Variants in RFC5 observed in about 807,000 individuals in gnomAD.
RFC5 encodes A1 36 kDa subunit.
Under a neutral mutation model 44.3 loss-of-function variants are expected in RFC5, and 26 were observed. The observed-to-expected ratio is 0.59, with a 90% CI of 0.43 to 0.81. The LOEUF (loss-of-function observed/expected upper bound fraction) is 0.81, where lower values mean the gene tolerates loss of function less well. Among genes scored for constraint, RFC5 ranks in the 40% least tolerant of loss-of-function variants. RFC5 has a pLI of 0.00. For synonymous variants in RFC5, 155 were observed against 155.2 expected (o/e 1.00, Z 0.01); for missense variants, 328 against 418.6 (o/e 0.78, Z 1.89).
At position 118,016,950 on chromosome 12, in the gene RFC5, G is replaced by A. The variant is rs561938742; in HGVS notation, c.65+58G>A. On this transcript the variant is annotated intron_variant, in intron 1 of 10. Transcript: ENST00000454402. Reference sequence around the variant, plus strand: ...AGGGGGCCAGGCGGCCGCGCGGGGAGGAGGTGGCTGGGGTGGCAGGTGACC... The same window carrying A: ...AGGGGGCCAGGCGGCCGCGCGGGGAAGAGGTGGCTGGGGTGGCAGGTGACC... 33 of 1,429,136 alleles carry A rather than the reference G, an allele frequency of 2.3e-5. No individual in the cohort carries two copies. In the East Asian group the frequency reaches 6.8e-4, roughly 29 times the overall value. The allele number at this position is 1,429,136 out of a possible 1,614,324, so 88.5% of individuals were successfully genotyped here.
At chr12:118,031,136 C>A in intron 10 of RFC5, 46 bp from the exon 11 acceptor site, 1 of 1,350,422 alleles carries the variant, frequency 7.4e-7, no homozygotes, top group Non-Finnish European at 1.1e-6. Context: ...GAAAAGGCAG[C>A]TGTGTTTGGT....
At chr12:118,017,649 G>T in intron 1 of RFC5, 2 of 1,015,718 alleles carry the variant, frequency 2.0e-6, no homozygotes, top group Non-Finnish European at 2.5e-6. Context: ...AAGATTGACA[G>T]TTGTAACTAT....
chr12:118,025,375 A>G (rs1431304920), intron 6 of RFC5: 2 of 319,820 alleles, frequency 6.3e-6, no homozygotes, highest in Non-Finnish European at 1.2e-5. Context: ...CTGTGTAGTC[A>G]GATGCCAAGC....
At chr12:118,041,412 C>T in the RFC5 span, among the ~76,000 whole-genome samples, 1 of 152,182 alleles carries the variant, frequency 6.6e-6, no homozygotes, top group Non-Finnish European at 1.5e-5. Context: ...CCCCAACCTT[C>T]AGAACTGTGA....
chr12:118,027,015 A>G lies in RFC5; in HGVS notation c.790A>G (p.Arg264Gly). The G allele has an allele frequency of 6.2e-7, 1 of 1,612,608 alleles. No homozygotes were observed. The highest frequency in any genetic ancestry group is 1.3e-5 in the African/African-American group (1 of 75,064). ...GAATCAAGATTTCACCACAGCCTAC[A>G]GAAGTATCCTTTCTCATGACCTCCT... Reference protein sequence around the residue: ...MLNQDFTTAYRNITELKTLKG... With the variant: ...MLNQDFTTAYGNITELKTLKG... Residue 264 changes from arginine (R) to glycine (G), a missense_variant, in exon 8 of 11, where the codon AGA becomes GGA. Coordinates refer to ENST00000454402, the MANE Select transcript of RFC5 (RefSeq NM_007370.7).
chr12:118,037,230 A>G (rs1421789571), downstream of RFC5, among the ~76,000 whole-genome samples: 1 of 152,174 alleles, frequency 6.6e-6, no homozygotes, highest in Non-Finnish European at 1.5e-5. Context: ...CCCACAAAGT[A>G]GTGGCAGGCT....
chr12:118,017,799 A>C, intron 1 of RFC5: 1 of 673,332 alleles, frequency 1.5e-6, no homozygotes, highest in Non-Finnish European at 2.7e-6. Context: ...GCCTCCGAAG[A>C]ACTGGGACTT....
At chr12:118,041,114 G>A in the RFC5 span, among the ~76,000 whole-genome samples, 1 of 152,228 alleles carries the variant, frequency 6.6e-6, no homozygotes, top group Non-Finnish European at 1.5e-5. Flanking sequence ...CTTCAGATGA[G>A]GATGCATGTG....
chr12:118,023,645 T>C (rs1419057688), intron 5 of RFC5, among the ~76,000 whole-genome samples: 2 of 152,126 alleles, frequency 1.3e-5, no homozygotes, highest in Non-Finnish European at 2.9e-5. Context: ...ACCTACAGAA[T>C]GGAACCGGTG....
intron 5 of RFC5, among the ~76,000 whole-genome samples, chr12:118,023,544 C>G (rs1486290214): frequency 6.6e-6 from 1 of 151,564 alleles, no homozygotes; most frequent in Non-Finnish European, 1.5e-5. Context: ...AGAATATCTT[C>G]TGGTCCTAGA....
At chr12:118,032,932 T>C (rs2031399244), downstream of RFC5, 1 of 152,138 alleles carries the variant, frequency 6.6e-6, no homozygotes, top group Admixed American at 6.5e-5. Context: ...TTTTTTCTTT[T>C]CTTCAATGAA....
chr12:118,022,711 C>T (rs1188367562), intron 5 of RFC5, among the ~76,000 whole-genome samples: 3 of 152,018 alleles, frequency 2.0e-5, no homozygotes, highest in Non-Finnish European at 2.9e-5. Flanking sequence ...GTGATCCGCC[C>T]GCCTCGGCTT....
chr12:118,028,642 TAAA>T (rs774341657), intron 9 of RFC5, among the ~76,000 whole-genome samples: 1 of 136,030 alleles, frequency 7.4e-6, no homozygotes. Context: ...TTCACATTTC[TAAA>T]AAAAAAAAAA....
intron 10 of RFC5, among the ~76,000 whole-genome samples, chr12:118,030,091 T>C (rs1388261938): frequency 1.3e-5 from 2 of 152,178 alleles, no homozygotes; most frequent in Non-Finnish European, 2.9e-5. Context: ...CCACATTGAT[T>C]CTGAAAATGC....
In RFC5 at chr12:118,016,876, A is replaced by C; in HGVS notation, c.49A>C (p.Ile17Leu). 1 of 1,613,486 alleles carries C rather than the reference A, an allele frequency of 6.2e-7. No individual in the cohort carries two copies. Among genetic ancestry groups the C allele is most frequent in the Non-Finnish European group, 8.5e-7 (1 of 1,179,762 alleles). ...KQQEQPAATK[I>L]RNLPWVEKYR... ...GCAGGAGCAGCCCGCGGCGACCAAG[A>C]TCAGGAACCTGCCCTGGTAGGAGGA... Residue 17 changes from isoleucine (I) to leucine (L), a missense_variant, in exon 1 of 11, where the codon ATC (isoleucine) becomes CTC (leucine). Transcript: ENST00000454402.
Position 118,031,321 on chromosome 12 carries a change from T to A in RFC5, c.*43T>A, listed in dbSNP as rs773005358. 3 of 1,323,102 alleles carry A rather than the reference T, an allele frequency of 2.3e-6. No homozygotes were observed. The East Asian group carries it at 6.9e-5, about 31-fold the overall frequency. 82.0% of individuals were successfully genotyped at this position (1,323,102 alleles called of 1,614,324 possible). A position where few individuals can be genotyped will look rare whatever the true frequency, so the allele number is the denominator to read the frequency against. On this transcript the variant is annotated 3_prime_UTR_variant, in exon 11 of 11. Coordinates refer to ENST00000454402, the MANE Select transcript of RFC5 (RefSeq NM_007370.7). Reference sequence around the variant, plus strand: ...CACAATTCTCAGGGCTCAGCAGTGATGGGAGAACAGAGGACAGTTCCAGGA... The same window carrying A: ...CACAATTCTCAGGGCTCAGCAGTGAAGGGAGAACAGAGGACAGTTCCAGGA...
downstream of RFC5, chr12:118,036,235 G>A: frequency 2.9e-6 from 4 of 1,357,440 alleles, no homozygotes; most frequent in Non-Finnish European, 4.1e-6. Flanking sequence ...TATCCAGCTT[G>A]TCCCCTCCCA....
chr12:118,036,802 G>A (rs990182990), downstream of RFC5, among the ~76,000 whole-genome samples: 34 of 150,298 alleles, frequency 2.3e-4, no homozygotes, highest in African/African-American at 8.0e-4. Flanking sequence ...AGACTTCTGA[G>A]TCTGCTTCTG....
At chr12:118,030,825 TG>T (rs369359501) in intron 10 of RFC5, among the ~76,000 whole-genome samples, 16 of 152,258 alleles carry the variant, frequency 1.1e-4, no homozygotes, top group African/African-American at 3.4e-4. Flanking sequence ...TTTGTTTGTT[TG>T]TTTTGTAGAG....
Sources: gnomAD v4.1 joint callset for allele counts (sites outside exome capture counted in the v4.1 genomes callset) on GRCh38, gnomAD v4.1.1 for gene constraint, MANE v1.5 for transcripts, NCBI Gene and HGNC (gene_info 2026-07-23, HGNC 2026-07-21) for gene names.